TCFL5: variants seen among roughly 807,000 people sequenced by gnomAD.
The protein encoded by TCFL5 is transcription factor-like 5 protein.
A neutral mutation model predicts 44.3 loss-of-function variants in TCFL5; 9 were observed. That is an observed-to-expected ratio of 0.20 (90% CI 0.12 to 0.35). The LOEUF (loss-of-function observed/expected upper bound fraction) is 0.35, where lower values mean the gene tolerates loss of function less well. Ranked by LOEUF, TCFL5 falls within the 10% of genes least tolerant of loss-of-function variation. The pLI is 1.00. For synonymous variants in TCFL5, 319 were observed against 271.6 expected, an observed-to-expected ratio of 1.17 and a Z score of -1.72; for missense variants, 603 against 613.4, an observed-to-expected ratio of 0.98 and a Z score of 0.18.
chr20:62,854,533 G>A (rs554167827), intron 4 of TCFL5, among the ~76,000 whole-genome samples: 1 of 152,290 alleles, frequency 6.6e-6, no homozygotes, highest in East Asian at 1.9e-4. Context: ...ACCACTGAGG[G>A]GTCCAAATTG....
chr20:62,844,601 C>T (rs1490780297), intron 5 of TCFL5, among the ~76,000 whole-genome samples: 8 of 143,136 alleles, frequency 5.6e-5, no homozygotes, highest in Non-Finnish European at 1.2e-4. Context: ...TTTTTGAGAC[C>T]GAGTCTCACT....
chr20:62,847,781 G>A (rs1359156401), intron 5 of TCFL5, among the ~76,000 whole-genome samples: 1 of 152,170 alleles, frequency 6.6e-6, no homozygotes, highest in Non-Finnish European at 1.5e-5. Flanking sequence ...AGGCCGAGGC[G>A]GGCGGATCAC....
chr20:62,861,619 C>A lies in TCFL5; in HGVS notation c.52G>T (p.Gly18Cys). 1 of 1,004,032 alleles carries A rather than the reference C, an allele frequency of 1.0e-6. No homozygotes were observed. The highest frequency in any genetic ancestry group is 1.2e-6 in the Non-Finnish European group (1 of 842,810). 62.2% of individuals were successfully genotyped at this position (1,004,032 alleles called of 1,614,324 possible). A position where few individuals can be genotyped will look rare whatever the true frequency, so the allele number is the denominator to read the frequency against. Residue 18 changes from glycine to cysteine, a missense_variant, in exon 1 of 6, where the codon GGC (glycine) becomes TGC (cysteine). Physicochemically the swap from Gly to Cys is radical, Grantham distance 159. Transcript: ENST00000335351. This position sits in a 1 kb window ranked among gnomAD's most constrained non-coding sequence, Gnocchi z 4.0. The stretch of plus-strand genomic sequence containing the variant: ...CCCGCGCCCTCGACGGCCGCCTCGC[C>A]GCCTGCCGCGCCTGCCTCCGGCGGC... ...EPPPEAGAAG[G>C]EAAVEGAGGG...
At position 62,841,951 on chromosome 20, in the gene TCFL5, C is replaced by A. The variant is rs760145623; in HGVS notation, c.*24G>T. ...GTCACGAAGGAATGGCTGTTCACCC[C>A]CCGAGGATTCCTGTTCAGTCCGATC... On this transcript the variant is annotated 3_prime_UTR_variant, in exon 6 of 6. Coordinates refer to ENST00000335351, the MANE Select transcript of TCFL5 (RefSeq NM_006602.4). 1.9e-6 allele frequency: 3 copies of A among 1,612,960 alleles called. No homozygotes were observed. The highest frequency in any genetic ancestry group is 2.5e-6 in the Non-Finnish European group (3 of 1,179,794).
At chr20:62,852,942 A>G in intron 5 of TCFL5, 4 of 1,289,510 alleles carry the variant, frequency 3.1e-6, no homozygotes, top group Non-Finnish European at 4.0e-6. Flanking sequence ...AGTCCGCAGA[A>G]GTATAGTCAC....
chr20:62,849,691 G>C (rs1332271095), intron 5 of TCFL5, among the ~76,000 whole-genome samples: 1 of 152,172 alleles, frequency 6.6e-6, no homozygotes, highest in Non-Finnish European at 1.5e-5. Context: ...AGGCATGGTG[G>C]CTCATGCTTG....
At chr20:62,848,628 C>G (rs1423435644) in intron 5 of TCFL5, among the ~76,000 whole-genome samples, 1 of 151,584 alleles carries the variant, frequency 6.6e-6, no homozygotes, top group African/African-American at 2.4e-5. Flanking sequence ...ATCCCAGCTA[C>G]TCGGGAGGCT....
intron 5 of TCFL5, among the ~76,000 whole-genome samples, chr20:62,847,256 T>G (rs1358103608): frequency 6.6e-6 from 1 of 150,628 alleles, no homozygotes; most frequent in South Asian, 2.1e-4. Context: ...ACCTGTGAAA[T>G]GTTTCAAAAG....
intron 5 of TCFL5, among the ~76,000 whole-genome samples, chr20:62,844,565 T>G (rs1359858336): frequency 6.8e-6 from 1 of 146,690 alleles, no homozygotes. Context: ...TTTTCTGTTT[T>G]TTTTTGTTTG....
chr20:62,853,085 A>G (rs1336491698), intron 5 of TCFL5, among the ~76,000 whole-genome samples: 2 of 142,896 alleles, frequency 1.4e-5, no homozygotes, highest in African/African-American at 5.8e-5. Context: ...GCAGAAGCAC[A>G]GTCACCGGTC....
rs533965172 is a variant in TCFL5 at position 62,842,200 on chromosome 20, T to C, written c.1381-103A>G. On this transcript the variant is annotated intron_variant, in intron 5 of 5. Transcript: ENST00000335351. This position sits in a 1 kb window ranked among gnomAD's most constrained non-coding sequence, Gnocchi z 4.3. ...AAATTAAGAGCTAAGTAAATGACTT[T>C]AGAATACGCTGTTTTAAGGTGTCAT... 3.9e-5 allele frequency: 56 copies of C among 1,438,664 alleles called. No individual in the cohort carries two copies. The African/African-American group carries it at 7.8e-4, about 20-fold the overall frequency. The allele number at this position is 1,438,664 out of a possible 1,614,324, so 89.1% of individuals were successfully genotyped here.
rs769403796 is a variant in TCFL5, at chr20:62,861,780, GGCCACA to G, written c.-116_-111del. 0.038 allele frequency: 5,640 copies of G among 147,200 alleles called. 177 individuals are homozygous for G. Among genetic ancestry groups the G allele is most frequent in the East Asian group, 0.15 (731 of 4,908 alleles). 9.1% of individuals were successfully genotyped at this position (147,200 alleles called of 1,614,324 possible). A position where few individuals can be genotyped will look rare whatever the true frequency, so the allele number is the denominator to read the frequency against. ...CCCGGCCCGAGCACTACTCTGCGCC[GGCCACA>G]GCCGGCGCGCCGTTGGGGGAGGGAA... is the stretch of plus-strand genomic sequence containing the variant. On this transcript the variant is annotated 5_prime_UTR_variant, in exon 1 of 6. Transcript: ENST00000335351. This position sits in a 1 kb window ranked among gnomAD's most constrained non-coding sequence, Gnocchi z 4.0.
chr20:62,855,720 C>T (rs76230693), intron 4 of TCFL5, among the ~76,000 whole-genome samples: 238 of 151,890 alleles, frequency 1.6e-3, no homozygotes, highest in African/African-American at 5.5e-3. Flanking sequence ...GAACCGAGAT[C>T]GTGCCATTGC....
At position 62,845,577 on chromosome 20, in the gene TCFL5, G is replaced by A. The variant is rs2063731130; in HGVS notation, c.1381-3480C>T. 6.6e-6 allele frequency: 10 copies of A among 1,517,166 alleles called. No individual in the cohort carries two copies. The East Asian group carries it at 1.9e-4, about 29-fold the overall frequency. 94.0% of individuals were successfully genotyped at this position (1,517,166 alleles called of 1,614,324 possible). On this transcript the variant is annotated intron_variant, in intron 5 of 5. Coordinates refer to ENST00000335351, the MANE Select transcript of TCFL5 (RefSeq NM_006602.4). The stretch of plus-strand genomic sequence containing the variant: ...TTTCAGGACAATTAAATGAAAGTCA[G>A]AGCCTGGGCCGGCTCCGGAGAAGTT...
At chr20:62,860,388 G>T in intron 1 of TCFL5, 80 bp from the exon 2 acceptor site, 1 of 1,378,786 alleles carries the variant, frequency 7.3e-7, no homozygotes, top group Non-Finnish European at 1.0e-6. Context: ...CATGGCTCTG[G>T]CTAGTTTTTC....
chr20:62,844,942 C>T, intron 5 of TCFL5: 1 of 984,856 alleles, frequency 1.0e-6, no homozygotes, highest in African/African-American at 1.7e-5. Flanking sequence ...CTACTTAATT[C>T]AAGTCCAGGA....
rs923774616 is a variant in TCFL5, at chr20:62,860,383, C to T, written c.648-75G>A. 1.4e-5 allele frequency: 20 copies of T among 1,413,050 alleles called. No individual in the cohort carries two copies. In the African/African-American group the frequency reaches 2.4e-4, roughly 17 times the overall value. 87.5% of individuals were successfully genotyped at this position (1,413,050 alleles called of 1,614,324 possible). On this transcript the variant is annotated intron_variant, in intron 1 of 5. Coordinates refer to ENST00000335351, the MANE Select transcript of TCFL5 (RefSeq NM_006602.4). ...AGCATCCACCATCCCACTCCCATGG[C>T]TCTGGCTAGTTTTTCCAGACAGCAA...
chr20:62,844,003 TGA>T (rs2147243368), intron 5 of TCFL5, among the ~76,000 whole-genome samples: 2 of 152,340 alleles, frequency 1.3e-5, no homozygotes, highest in South Asian at 4.1e-4. Context: ...GGAGCACACT[TGA>T]GTCATTTCCA....
chr20:62,852,863 A>G (rs1304146400), intron 5 of TCFL5: 1 of 1,289,286 alleles, frequency 7.8e-7, no homozygotes, highest in Non-Finnish European at 1.0e-6. Flanking sequence ...ATGTTCACCC[A>G]GTCCATGGAA....
Sources: gnomAD v4.1 joint callset for allele counts (sites outside exome capture counted in the v4.1 genomes callset) on GRCh38, gnomAD v4.1.1 for gene constraint, Gnocchi (gnomAD v3.1) non-coding constraint, MANE v1.5 for transcripts, NCBI Gene and HGNC (gene_info 2026-07-23, HGNC 2026-07-21) for gene names.